The following ANK2 variants were observed in gnomAD, a reference collection of about 807,000 sequenced individuals.
ANK2 encodes ankyrin-2.
Under a neutral mutation model 360.5 loss-of-function variants are expected in ANK2, and 83 were observed. The observed-to-expected ratio is 0.23, with a 90% CI of 0.19 to 0.28. The LOEUF (loss-of-function observed/expected upper bound fraction) is 0.28, where lower values mean the gene tolerates loss of function less well. Among genes scored for constraint, ANK2 ranks in the 10% least tolerant of loss-of-function variants. ANK2 has a pLI of 1.00. For missense variants in ANK2, 4,201 were observed against 4,795.7 expected (o/e 0.88, Z 3.66); for synonymous variants, 1,740 against 1,759.5 (o/e 0.99, Z 0.28).
chr4:112,978,428 T>C (rs1410323472), intron 2 of ANK2, among the ~76,000 whole-genome samples: 1 of 152,198 alleles, frequency 6.6e-6, no homozygotes, highest in Non-Finnish European at 1.5e-5. Context: ...AATCTAGAAT[T>C]CTTTCATTTT....
At chr4:113,249,690 T>C in intron 9 of ANK2, 74 bp from the exon 10 acceptor site, 1 of 1,405,092 alleles carries the variant, frequency 7.1e-7, no homozygotes, top group Non-Finnish European at 1.0e-6. Context: ...GAACTCCCTC[T>C]TTATGGTTGC....
rs2154029870 is a variant in ANK2 at position 113,358,451 on chromosome 4, CAGA to C, written c.9838_9840del (p.Glu3280del). The C allele has an allele frequency of 1.2e-6, 2 of 1,614,064 alleles. No individual in the cohort carries two copies. Among genetic ancestry groups the C allele is most frequent in the East Asian group, 2.2e-5 (1 of 44,876 alleles). On this transcript the variant is annotated inframe_deletion, in exon 38 of 46. Transcript: ENST00000357077. ...GGTGATGATTCTCCCGATTCTTCCC[CAGA>C]AGAACAGAAATCAGTAATCGAGATT...
intron 18 of ANK2, among the ~76,000 whole-genome samples, chr4:113,283,186 A>C (rs890921088): frequency 6.6e-6 from 1 of 152,148 alleles, no homozygotes; most frequent in Admixed American, 6.5e-5. Flanking sequence ...GTAGCTCCCA[A>C]TGTTAACATC....
chr4:112,772,401 G>A, the ANK2 span, among the ~76,000 whole-genome samples: 1 of 152,140 alleles, frequency 6.6e-6, no homozygotes, highest in African/African-American at 2.4e-5. Flanking sequence ...CTCACAACAC[G>A]TGGGAACTAT....
intron 1 of ANK2, among the ~76,000 whole-genome samples, chr4:113,132,242 A>G (rs564789860): frequency 2.0e-5 from 3 of 152,264 alleles, no homozygotes; most frequent in African/African-American, 4.8e-5. Flanking sequence ...ATATGTGGAC[A>G]TATTTATCTG....
chr4:113,271,354 C>T (rs1490660861), intron 14 of ANK2, among the ~76,000 whole-genome samples: 3 of 152,144 alleles, frequency 2.0e-5, no homozygotes, highest in Non-Finnish European at 2.9e-5. Context: ...ATGTCCGTTT[C>T]CCCCAAATGA....
intron 1 of ANK2, among the ~76,000 whole-genome samples, chr4:112,868,291 G>A (rs2071467832): frequency 1.3e-5 from 2 of 152,124 alleles, no homozygotes; most frequent in African/African-American, 4.8e-5. Flanking sequence ...AATTTATTTG[G>A]CACATAGTTC....
chr4:112,814,499 T>A (rs994120154), upstream of ANK2, among the ~76,000 whole-genome samples: 3 of 152,108 alleles, frequency 2.0e-5, no homozygotes, highest in African/African-American at 7.2e-5. Context: ...CAGTCTGGAG[T>A]GCAGTGGCAT....
At chr4:112,926,288 A>G (rs188530057) in intron 2 of ANK2, among the ~76,000 whole-genome samples, 307 of 152,318 alleles carry the variant, frequency 2.0e-3, no homozygotes, top group Admixed American at 5.6e-3. Flanking sequence ...CATGTTGTTC[A>G]TTCTCTGAAG....
intron 1 of ANK2, among the ~76,000 whole-genome samples, chr4:113,123,063 G>C (rs1231717400): frequency 6.6e-6 from 1 of 151,616 alleles, no homozygotes; most frequent in Non-Finnish European, 1.5e-5. Flanking sequence ...GAAGACAGTT[G>C]AAAGAAAAAG....
intron 26 of ANK2, among the ~76,000 whole-genome samples, chr4:113,326,720 G>C (rs1005298718): frequency 2.0e-5 from 3 of 151,918 alleles, no homozygotes; most frequent in African/African-American, 7.3e-5. Flanking sequence ...ATTTAATTTA[G>C]GCCAGGCACA....
chr4:112,712,404 ATATTTTTTTTT>A, the ANK2 span, among the ~76,000 whole-genome samples: 36 of 52,682 alleles, frequency 6.8e-4, no homozygotes, highest in African/African-American at 1.7e-3. Flanking sequence ...ATATATATAT[ATATTTTTTTTT>A]TTTTTTTTTT....
intron 4 of ANK2, among the ~76,000 whole-genome samples, chr4:113,204,728 A>G (rs1024417704): frequency 1.3e-5 from 2 of 152,052 alleles, no homozygotes; most frequent in African/African-American, 4.8e-5. Context: ...AGTCTTTCCC[A>G]CTAAACTGTT....
At chr4:112,778,060 C>A in the ANK2 span, among the ~76,000 whole-genome samples, 2 of 151,918 alleles carry the variant, frequency 1.3e-5, no homozygotes, top group Admixed American at 6.6e-5. Context: ...ACCTCTGCCT[C>A]CTGGGTTCAA....
intron 2 of ANK2, among the ~76,000 whole-genome samples, chr4:112,945,250 T>G (rs1340267857): frequency 6.6e-6 from 1 of 152,182 alleles, no homozygotes; most frequent in East Asian, 1.9e-4. Flanking sequence ...GCATGTTACT[T>G]TGGCTCACAT....
chr4:113,242,123 C>T lies in ANK2; in HGVS notation c.805C>T (p.Pro269Ser), dbSNP rs1260008727. 13 of 1,613,688 alleles carry T rather than the reference C, an allele frequency of 8.1e-6. No individual in the cohort carries two copies. The highest frequency in any genetic ancestry group is 1.1e-5 in the Non-Finnish European group (13 of 1,179,754). The change falls in exon 9 of 46, where the codon CCT becomes TCT. Residue 269 changes from proline to serine, a missense_variant. By Grantham distance (74) the Pro-to-Ser change is moderately conservative (BLOSUM62 -1). Around this residue, in one of 4 missense-constraint regions of ANK2, gnomAD observed 122 missense variants for 239.3 expected, o/e 0.51. Coordinates refer to ENST00000357077, the MANE Select transcript of ANK2 (RefSeq NM_001148.6). ...VDFTARNGIT[P>S]LHVASKRGNT... ...TTCTGTGGTGTAGAATGGAATCACT[C>T]CTCTGCATGTGGCTTCCAAAAGAGG...
chr4:113,056,159 C>G (rs1056790804), intron 1 of ANK2, among the ~76,000 whole-genome samples: 2 of 152,156 alleles, frequency 1.3e-5, no homozygotes, highest in African/African-American at 4.8e-5. Context: ...CTTAAGTAAA[C>G]AGCTGCCTTC....
At chr4:113,059,583 C>T (rs761598895) in intron 1 of ANK2, among the ~76,000 whole-genome samples, 2 of 151,946 alleles carry the variant, frequency 1.3e-5, no homozygotes, top group South Asian at 4.1e-4. Flanking sequence ...TAGGTCATTC[C>T]TCTGTCCCAA....
At chr4:113,025,666 G>T (rs1309966063) in intron 2 of ANK2, among the ~76,000 whole-genome samples, 1 of 152,028 alleles carries the variant, frequency 6.6e-6, no homozygotes, top group Non-Finnish European at 1.5e-5. Context: ...ATGTTTCTTG[G>T]CTTCTTGTGA....
Sources: allele counts gnomAD v4.1 joint callset (sites outside exome capture counted in the v4.1 genomes callset), GRCh38; gene constraint gnomAD v4.1.1; regional missense constraint gnomAD v4.1.1; transcripts MANE v1.5; gene names NCBI Gene and HGNC (gene_info 2026-07-23, HGNC 2026-07-21).